TTC39B: variants seen among roughly 807,000 people sequenced by gnomAD.
TTC39B encodes tetratricopeptide repeat domain 39B.
Under a neutral mutation model 96.6 loss-of-function variants are expected in TTC39B, and 92 were observed. The observed-to-expected ratio is 0.95, with a 90% confidence interval of 0.80 to 1.13. TTC39B has a LOEUF of 1.13. Among genes scored for constraint, TTC39B ranks in the 50% most tolerant of loss-of-function variants. The pLI is 0.00. For missense variants in TTC39B, 955 were observed against 809.3 expected, an observed-to-expected ratio of 1.18 and a Z score of -2.18; for synonymous variants, 367 against 299.4, an observed-to-expected ratio of 1.23 and a Z score of -2.33.
chr9:15,175,469 T>A (rs2118481154), intron 18 of TTC39B, among the ~76,000 whole-genome samples: 1 of 152,172 alleles, frequency 6.6e-6, no homozygotes, highest in Admixed American at 6.5e-5. Context: ...ATGACTCCAT[T>A]TAGAAATAAG....
intron 1 of TTC39B, among the ~76,000 whole-genome samples, chr9:15,292,457 T>C (rs71513221): frequency 6.6e-6 from 1 of 152,176 alleles, no homozygotes; most frequent in Admixed American, 6.5e-5. Flanking sequence ...AAAACAACTG[T>C]TACTGGTTTA....
At chr9:15,232,806 G>A (rs1017269380) in intron 2 of TTC39B, among the ~76,000 whole-genome samples, 9 of 152,196 alleles carry the variant, frequency 5.9e-5, no homozygotes, top group Non-Finnish European at 1.0e-4. Flanking sequence ...TTGGCTAACG[G>A]CGACGTAGCT....
chr9:15,207,595 T>A (rs1456558046), intron 6 of TTC39B, among the ~76,000 whole-genome samples: 2 of 152,140 alleles, frequency 1.3e-5, no homozygotes, highest in African/African-American at 2.4e-5. Context: ...TTTATAACTC[T>A]GATCAGTTCC....
At chr9:15,258,721 G>A (rs1001803171) in intron 2 of TTC39B, among the ~76,000 whole-genome samples, 2 of 152,090 alleles carry the variant, frequency 1.3e-5, no homozygotes, top group Admixed American at 6.6e-5. Context: ...CTGCTCATAG[G>A]GGTTCACTGG....
intron 2 of TTC39B, among the ~76,000 whole-genome samples, chr9:15,246,157 G>T (rs147629161): frequency 6.6e-6 from 1 of 152,290 alleles, no homozygotes; most frequent in African/African-American, 2.4e-5. Context: ...GGAGTCTGAG[G>T]CAGGAGAATT....
intron 6 of TTC39B, among the ~76,000 whole-genome samples, 164 bp downstream of exon 6, chr9:15,209,924 G>A (rs770035349): frequency 2.0e-5 from 3 of 152,086 alleles, no homozygotes; most frequent in African/African-American, 7.2e-5. Flanking sequence ...CACAGAAAAG[G>A]CTTCAAAATG....
chr9:15,225,559 T>C (rs1424303241), intron 3 of TTC39B, among the ~76,000 whole-genome samples: 4 of 152,304 alleles, frequency 2.6e-5, no homozygotes, highest in African/African-American at 7.2e-5. Flanking sequence ...GTGATCATCA[T>C]TATGGTTGTT....
chr9:15,272,794 C>A (rs556533024), intron 1 of TTC39B, among the ~76,000 whole-genome samples: 1 of 152,164 alleles, frequency 6.6e-6, no homozygotes, highest in African/African-American at 2.4e-5. Flanking sequence ...TGGCTGAGCA[C>A]CCTTGTCTGG....
chr9:15,227,600 G>C (rs1821193994), intron 2 of TTC39B, among the ~76,000 whole-genome samples: 1 of 152,098 alleles, frequency 6.6e-6, no homozygotes, highest in African/African-American at 2.4e-5. Context: ...CTTATTCTGA[G>C]AATACAGGTA....
chr9:15,288,153 A>G (rs957467492), intron 1 of TTC39B, among the ~76,000 whole-genome samples: 1 of 152,150 alleles, frequency 6.6e-6, no homozygotes, highest in East Asian at 1.9e-4. Flanking sequence ...AATGTTTTCT[A>G]TCAAAGTTGT....
chr9:15,264,759 C>T (rs1385406017), intron 2 of TTC39B, among the ~76,000 whole-genome samples: 1 of 145,708 alleles, frequency 6.9e-6, no homozygotes. Context: ...CTTATAACAT[C>T]ATGTTGTATA....
At chr9:15,212,038 T>G (rs146400310) in intron 4 of TTC39B, among the ~76,000 whole-genome samples, 53 of 152,356 alleles carry the variant, frequency 3.5e-4, no homozygotes, top group African/African-American at 1.0e-3. Context: ...TCCTAATAGA[T>G]GGCAGACATC....
intron 2 of TTC39B, among the ~76,000 whole-genome samples, chr9:15,258,117 T>A (rs1045178070): frequency 6.6e-6 from 1 of 151,788 alleles, no homozygotes; most frequent in Non-Finnish European, 1.5e-5. Context: ...TGGGGTGCAG[T>A]TGGAAAAGTA....
At chr9:15,181,372 A>T (rs1446919656) in intron 17 of TTC39B, among the ~76,000 whole-genome samples, 1 of 152,194 alleles carries the variant, frequency 6.6e-6, no homozygotes, top group African/African-American at 2.4e-5. Flanking sequence ...GAAATACAAC[A>T]AAGGCTATCA....
At chr9:15,248,440 A>G (rs184409390) in intron 2 of TTC39B, among the ~76,000 whole-genome samples, 49 of 152,300 alleles carry the variant, frequency 3.2e-4, no homozygotes, top group Non-Finnish European at 1.3e-4. Flanking sequence ...TTACACTTCT[A>G]CAGGTGAAAA....
rs1818568801 is a variant in TTC39B, at chr9:15,187,052, A to C, written c.1396-17T>G. 6.3e-7 allele frequency: 1 copy of C among 1,592,288 alleles called. No individual in the cohort carries two copies. The highest frequency in any genetic ancestry group is 1.3e-5 in the African/African-American group (1 of 74,110). ...ATAAGTTGCCTTGAGAAAAAGAAGG[A>C]GCTTATTACAGAACATCCCTAGGTA... On this transcript the variant is annotated splice_polypyrimidine_tract_variant and intron_variant, in intron 14 of 19. Transcript: ENST00000512701.
intron 1 of TTC39B, among the ~76,000 whole-genome samples, chr9:15,283,209 A>C (rs1324335381): frequency 6.6e-6 from 1 of 152,240 alleles, no homozygotes; most frequent in Non-Finnish European, 1.5e-5. Flanking sequence ...TTTATGTATC[A>C]AGTGGAATAT....
At chr9:15,233,790 G>A (rs1210346748) in intron 2 of TTC39B, among the ~76,000 whole-genome samples, 1 of 152,138 alleles carries the variant, frequency 6.6e-6, no homozygotes, top group African/African-American at 2.4e-5. Flanking sequence ...CGTCTGGGAA[G>A]TGAGGAGCGT....
At chr9:15,212,930 A>C (rs1474758413) in intron 4 of TTC39B, among the ~76,000 whole-genome samples, 1 of 152,210 alleles carries the variant, frequency 6.6e-6, no homozygotes, top group African/African-American at 2.4e-5. Flanking sequence ...AATTAACAAT[A>C]ATTTATCATT....
Sources: allele counts gnomAD v4.1 joint callset (sites outside exome capture counted in the v4.1 genomes callset), GRCh38; gene constraint gnomAD v4.1.1; transcripts MANE v1.5; gene names NCBI Gene and HGNC (gene_info 2026-07-23, HGNC 2026-07-21).